Variants in PARN observed in about 807,000 individuals in gnomAD.
PARN encodes poly(A)-specific ribonuclease, also known as poly(A)-specific ribonuclease PARN.
In PARN, 71 loss-of-function variants were observed where a neutral mutation model predicts 102.8. That is an observed-to-expected ratio of 0.69 (90% CI 0.57 to 0.84). The LOEUF (loss-of-function observed/expected upper bound fraction) is 0.84, where lower values mean the gene tolerates loss of function less well. PARN is among the 40% of genes least tolerant of loss of function. The pLI is 0.00. For synonymous variants in PARN, 261 were observed against 252.9 expected (o/e 1.03, Z -0.30); for missense variants, 782 against 760.9 (o/e 1.03, Z -0.33).
rs560657464 is a variant in PARN, at chr16:14,599,098, A to C, written c.840+806T>G. 2.0e-4 allele frequency among the ~76,000 whole-genome samples: 28 copies of C among 138,088 alleles called. No individual in the cohort carries two copies. The East Asian group carries it at 2.7e-3, about 13-fold the overall frequency. 90.6% of individuals were successfully genotyped at this position (138,088 alleles called of 152,430 possible). On this transcript the variant is annotated intron_variant, in intron 12 of 23. Transcript: ENST00000437198. ...CTGTCTGTCACCCAGGCTGGGGTGC[A>C]ATGGCGTGATCACAGCTCACTGCAG...
At chr16:14,455,930 T>G (rs2151566946) in intron 22 of PARN, among the ~76,000 whole-genome samples, 1 of 152,356 alleles carries the variant, frequency 6.6e-6, no homozygotes, top group East Asian at 1.9e-4. Flanking sequence ...GCTGTTAAAA[T>G]TTTAGTTCTC....
intron 23 of PARN, among the ~76,000 whole-genome samples, chr16:14,438,746 G>T (rs1363887985): frequency 6.6e-6 from 1 of 152,156 alleles, no homozygotes; most frequent in East Asian, 1.9e-4. Context: ...CTGTTCCCCA[G>T]AAAGCCAACA....
intron 18 of PARN, among the ~76,000 whole-genome samples, chr16:14,576,451 G>C (rs1004667462): frequency 5.3e-5 from 8 of 152,060 alleles, no homozygotes; most frequent in Non-Finnish European, 1.0e-4. Context: ...TTCATAAAAG[G>C]GTCAAGGTGT....
intron 21 of PARN, among the ~76,000 whole-genome samples, chr16:14,542,582 A>C (rs1966848426): frequency 6.6e-6 from 1 of 152,078 alleles, no homozygotes. Flanking sequence ...AAAAAAAGAA[A>C]AGAAAACAGA....
At chr16:14,614,846 CAAAAAAAAAAAAAAA>C (rs57502376) in intron 6 of PARN, among the ~76,000 whole-genome samples, 2,800 of 38,132 alleles carry the variant, frequency 0.073, 68 homozygotes, top group African/African-American at 0.11. Context: ...GAAACTGTCT[CAAAAAAAAAAAAAAA>C]AAAAAAAAAA....
At chr16:14,461,750 T>C (rs945203661) in intron 22 of PARN, among the ~76,000 whole-genome samples, 3 of 152,228 alleles carry the variant, frequency 2.0e-5, no homozygotes, top group Non-Finnish European at 2.9e-5. Context: ...TTATCACTTA[T>C]TGGTTCCTTA....
chr16:14,550,291 G>C (rs889334349), intron 21 of PARN, among the ~76,000 whole-genome samples: 2 of 151,854 alleles, frequency 1.3e-5, no homozygotes, highest in South Asian at 4.2e-4. Context: ...TATTTAACAA[G>C]CAACATCAAT....
intron 21 of PARN, among the ~76,000 whole-genome samples, chr16:14,540,030 A>G (rs978065645): frequency 2.0e-5 from 3 of 152,248 alleles, no homozygotes; most frequent in African/African-American, 4.8e-5. Flanking sequence ...ATAGCATTTT[A>G]TATCAAGGCC....
intron 21 of PARN, among the ~76,000 whole-genome samples, chr16:14,497,165 CTT>C (rs34898715): frequency 6.6e-6 from 1 of 151,986 alleles, no homozygotes; most frequent in Non-Finnish European, 1.5e-5. Context: ...TTTCTCCCCT[CTT>C]TTTTTTAAAT....
At chr16:14,508,170 A>T (rs1964992112) in intron 21 of PARN, among the ~76,000 whole-genome samples, 1 of 139,102 alleles carries the variant, frequency 7.2e-6, no homozygotes, top group Non-Finnish European at 1.6e-5. Flanking sequence ...CAAATAACAT[A>T]GGCAGGCAGG....
At chr16:14,614,512 G>A (rs1157821118) in intron 6 of PARN, among the ~76,000 whole-genome samples, 1 of 152,134 alleles carries the variant, frequency 6.6e-6, no homozygotes, top group African/African-American at 2.4e-5. Flanking sequence ...AGCACAGAGG[G>A]GCAGCAGAGC....
chr16:14,614,632 T>C (rs1971755437), intron 6 of PARN, among the ~76,000 whole-genome samples: 1 of 151,640 alleles, frequency 6.6e-6, no homozygotes, highest in Admixed American at 6.6e-5. Flanking sequence ...AGGTGGACCA[T>C]CTGAGGTCGG....
chr16:14,529,050 A>T (rs1172150982), intron 21 of PARN, among the ~76,000 whole-genome samples: 2 of 152,170 alleles, frequency 1.3e-5, no homozygotes, highest in East Asian at 3.9e-4. Context: ...AGCAGCACTC[A>T]GCAGACATCT....
intron 21 of PARN, among the ~76,000 whole-genome samples, chr16:14,548,512 C>T (rs901793255): frequency 6.6e-6 from 1 of 152,218 alleles, no homozygotes; most frequent in African/African-American, 2.4e-5. Flanking sequence ...GACACTACCA[C>T]TTTACGCACT....
intron 13 of PARN, among the ~76,000 whole-genome samples, chr16:14,590,649 A>G (rs1402643200): frequency 2.0e-5 from 3 of 151,920 alleles, no homozygotes; most frequent in Admixed American, 1.3e-4. Context: ...AAAAAAAAAA[A>G]AAAAGAAATG....
intron 21 of PARN, among the ~76,000 whole-genome samples, chr16:14,505,846 C>A (rs1964867899): frequency 6.6e-6 from 1 of 152,018 alleles, no homozygotes; most frequent in Non-Finnish European, 1.5e-5. Context: ...AAAGAGGTCA[C>A]AAAATTTTAA....
chr16:14,559,324 C>A (rs1967907221), intron 18 of PARN, among the ~76,000 whole-genome samples: 2 of 149,764 alleles, frequency 1.3e-5, no homozygotes, highest in South Asian at 4.2e-4. Context: ...GCTATGTGTT[C>A]TCTAATATTT....
At chr16:14,614,551 G>A (rs559337614) in intron 6 of PARN, among the ~76,000 whole-genome samples, 16 of 152,180 alleles carry the variant, frequency 1.1e-4, no homozygotes, top group Middle Eastern at 3.4e-3. Context: ...GGTGGCTCCC[G>A]TACAAAAGAA....
intron 22 of PARN, among the ~76,000 whole-genome samples, chr16:14,468,034 C>T (rs779306569): frequency 6.6e-6 from 1 of 152,164 alleles, no homozygotes; most frequent in Admixed American, 6.5e-5. Context: ...TCACTTCTTA[C>T]AAGAGTCCCA....
Sources: gnomAD v4.1 joint callset for allele counts (sites outside exome capture counted in the v4.1 genomes callset) on GRCh38, gnomAD v4.1.1 for gene constraint, MANE v1.5 for transcripts, NCBI Gene and HGNC (gene_info 2026-07-23, HGNC 2026-07-21) for gene names.